Variants in PRORP observed in about 807,000 individuals in gnomAD.
PRORP encodes protein only RNase P catalytic subunit.
PRORP carries 51 observed loss-of-function variants against 59.4 expected under a neutral mutation model. The observed-to-expected ratio is 0.86, with a 90% confidence interval of 0.69 to 1.08. The LOEUF (loss-of-function observed/expected upper bound fraction) is 1.08, where lower values mean the gene tolerates loss of function less well. Ranked by LOEUF, PRORP falls within the 50% of genes least tolerant of loss-of-function variation. The probability of loss-of-function intolerance (pLI) is 0.00; values close to 1 mark genes in which losing one functional copy is unlikely to be tolerated. For missense variants in PRORP, 646 were observed against 690.3 expected, an observed-to-expected ratio of 0.94 and a Z score of 0.72; for synonymous variants, 231 against 245.6, an observed-to-expected ratio of 0.94 and a Z score of 0.55.
intron 2 of PRORP, among the ~76,000 whole-genome samples, chr14:35,124,787 C>T (rs1006327967): frequency 3.3e-5 from 5 of 149,582 alleles, no homozygotes; most frequent in Admixed American, 1.3e-4. Flanking sequence ...AGAACTGTCT[C>T]TGGCCATATT....
At chr14:35,198,339 G>C (rs949334680) in intron 5 of PRORP, among the ~76,000 whole-genome samples, 35 of 152,176 alleles carry the variant, frequency 2.3e-4, no homozygotes, top group Admixed American at 2.0e-3. Flanking sequence ...CAACATTCTT[G>C]TTACGAACCG....
At chr14:35,191,531 A>G (rs145086125) in intron 5 of PRORP, among the ~76,000 whole-genome samples, 9 of 152,008 alleles carry the variant, frequency 5.9e-5, no homozygotes, top group African/African-American at 9.7e-5. Flanking sequence ...GCGAGACCCC[A>G]TCTCTACAGA....
chr14:35,207,874 G>T (rs551952168), intron 5 of PRORP, among the ~76,000 whole-genome samples: 4 of 152,184 alleles, frequency 2.6e-5, no homozygotes, highest in African/African-American at 9.7e-5. Context: ...GTAACTGGCC[G>T]GGCGCGGTGG....
At chr14:35,206,232 T>C (rs981229640) in intron 5 of PRORP, among the ~76,000 whole-genome samples, 1 of 152,176 alleles carries the variant, frequency 6.6e-6, no homozygotes, top group Non-Finnish European at 1.5e-5. Flanking sequence ...GTCTTTCTGG[T>C]GAAGAAGGTT....
intron 5 of PRORP, among the ~76,000 whole-genome samples, chr14:35,231,259 A>T (rs1161818026): frequency 1.3e-5 from 2 of 152,178 alleles, no homozygotes; most frequent in East Asian, 3.8e-4. Context: ...ACTCCTAATC[A>T]TATACTAAAT....
chr14:35,174,455 T>G (rs944345126), intron 4 of PRORP, among the ~76,000 whole-genome samples: 4 of 152,194 alleles, frequency 2.6e-5, no homozygotes, highest in Non-Finnish European at 1.5e-5. Flanking sequence ...CTAAGCTCCA[T>G]TAAGTTGGGG....
chr14:35,218,467 GA>G lies in PRORP; in HGVS notation c.1275+37708del, dbSNP rs1209553911. Among the ~76,000 whole-genome samples, 155 of 100,208 alleles carry G rather than the reference GA, an allele frequency of 1.5e-3. 1 individual carries two copies. Among genetic ancestry groups the G allele is most frequent in the East Asian group, 2.4e-3 (7 of 2,936 alleles). The allele number at this position is 100,208 out of a possible 152,430, so 65.7% of individuals were successfully genotyped here. ...CAGAGCAAGATCCTGTCTAAAAAAA[GA>G]AAAAAAAAAAAAAAAAACCAACAAC... On this transcript the variant is annotated intron_variant, in intron 5 of 7. Transcript: ENST00000534898.
intron 5 of PRORP, among the ~76,000 whole-genome samples, chr14:35,231,902 C>G (rs543665785): frequency 2.6e-5 from 4 of 152,298 alleles, no homozygotes; most frequent in South Asian, 2.1e-4. Context: ...CAAGGAATTG[C>G]ATAAGTTATG....
chr14:35,245,358 G>C (rs1380156097), intron 5 of PRORP, among the ~76,000 whole-genome samples: 2 of 152,128 alleles, frequency 1.3e-5, no homozygotes, highest in Non-Finnish European at 2.9e-5. Context: ...TTAAAAGGAT[G>C]GTGGCCATGC....
intron 4 of PRORP, among the ~76,000 whole-genome samples, chr14:35,170,261 G>A (rs1439365015): frequency 1.3e-5 from 2 of 151,930 alleles, no homozygotes; most frequent in East Asian, 3.8e-4. Flanking sequence ...TTTGCTATTT[G>A]TCTTCTATTT....
intron 4 of PRORP, among the ~76,000 whole-genome samples, chr14:35,129,752 T>C (rs2047190703): frequency 6.6e-6 from 1 of 152,156 alleles, no homozygotes; most frequent in South Asian, 2.1e-4. Context: ...GTGCTGGGAT[T>C]ATAGGCGTAA....
chr14:35,180,061 C>A (rs2048561098), intron 4 of PRORP, among the ~76,000 whole-genome samples: 1 of 152,320 alleles, frequency 6.6e-6, no homozygotes, highest in East Asian at 1.9e-4. Flanking sequence ...TATTGCTGAA[C>A]AGCAAATATT....
Position 35,274,939 on chromosome 14 carries a change from C to A in PRORP, c.*1373C>A, listed in dbSNP as rs2051275291. 1 of 152,142 alleles carries A rather than the reference C, an allele frequency of 6.6e-6. No individual in the cohort carries two copies. The allele number at this position is 152,142 out of a possible 1,614,324, so 9.4% of individuals were successfully genotyped here. ...ACAGTTTATTAGCCCTTGATTTCAG[C>A]TGAAAATATTCATGTCTGCACCCCT... is the stretch of plus-strand genomic sequence containing the variant. On this transcript the variant is annotated 3_prime_UTR_variant, in exon 8 of 8. Coordinates refer to ENST00000534898, the MANE Select transcript of PRORP (RefSeq NM_014672.4).
chr14:35,183,233 C>T (rs1297771120), intron 5 of PRORP, among the ~76,000 whole-genome samples: 1 of 151,832 alleles, frequency 6.6e-6, no homozygotes, highest in African/African-American at 2.4e-5. Context: ...CACACACACA[C>T]ACACACGCAC....
intron 4 of PRORP, among the ~76,000 whole-genome samples, chr14:35,152,298 A>G (rs1332884693): frequency 6.6e-6 from 1 of 152,238 alleles, no homozygotes; most frequent in African/African-American, 2.4e-5. Context: ...TTTTCTTAGT[A>G]CAGAACAAAA....
At chr14:35,173,103 A>G (rs899938715) in intron 4 of PRORP, among the ~76,000 whole-genome samples, 1 of 151,474 alleles carries the variant, frequency 6.6e-6, no homozygotes, top group African/African-American at 2.4e-5. Context: ...CCTGACATCA[A>G]GTGATCCACC....
At chr14:35,180,969 C>G (rs749823062) in intron 5 of PRORP, among the ~76,000 whole-genome samples, 192 bp downstream of exon 5, 5 of 152,094 alleles carry the variant, frequency 3.3e-5, no homozygotes, top group Non-Finnish European at 7.3e-5. Context: ...CTCTTCAAGG[C>G]TGGGAGAAAA....
At chr14:35,200,919 C>T (rs752251714) in intron 5 of PRORP, among the ~76,000 whole-genome samples, 15 of 152,092 alleles carry the variant, frequency 9.9e-5, no homozygotes, top group Non-Finnish European at 1.9e-4. Context: ...GAATCCCATC[C>T]AGGATACCAT....
At chr14:35,210,119 A>G (rs1411775218) in intron 5 of PRORP, among the ~76,000 whole-genome samples, 3 of 152,210 alleles carry the variant, frequency 2.0e-5, no homozygotes, top group Non-Finnish European at 4.4e-5. Flanking sequence ...TGTCATTAAA[A>G]TCCATAAAAC....
Sources: gnomAD v4.1 joint callset for allele counts (sites outside exome capture counted in the v4.1 genomes callset) on GRCh38, gnomAD v4.1.1 for gene constraint, MANE v1.5 for transcripts, NCBI Gene and HGNC (gene_info 2026-07-23, HGNC 2026-07-21) for gene names.